The following KDM4C variants were observed in gnomAD, a reference collection of about 807,000 sequenced individuals.
The protein encoded by KDM4C is lysine-specific demethylase 4C.
KDM4C carries 81 observed loss-of-function variants against 129.3 expected under a neutral mutation model. The ratio of observed to expected loss-of-function variants is 0.63; its 90% confidence interval spans 0.52 to 0.75. KDM4C has a LOEUF of 0.75. KDM4C is among the 30% of genes least tolerant of loss of function. The pLI is 0.00. For missense variants in KDM4C, 1,457 were observed against 1,304.0 expected (o/e 1.12, Z -1.81); for synonymous variants, 573 against 456.1 (o/e 1.26, Z -3.26).
chr9:6,798,270 T>A (rs533461736), intron 2 of KDM4C, among the ~76,000 whole-genome samples: 3,837 of 128,444 alleles, frequency 0.03, 164 homozygotes, highest in African/African-American at 0.1. Flanking sequence ...TTTTTTTTTT[T>A]ATTGATCATT....
intron 8 of KDM4C, among the ~76,000 whole-genome samples, chr9:6,915,321 G>A (rs1274499846): frequency 1.3e-5 from 2 of 152,088 alleles, no homozygotes; most frequent in African/African-American, 4.8e-5. Flanking sequence ...TCCTGTGAGG[G>A]GTTTAGGGGG....
At chr9:6,925,445 T>C in intron 8 of KDM4C, 1 of 824,810 alleles carries the variant, frequency 1.2e-6, no homozygotes, top group Non-Finnish European at 1.4e-6. Context: ...CTTTTCCTCT[T>C]CCCCCTTCCC....
chr9:6,781,356 C>G (rs567683003), intron 1 of KDM4C, among the ~76,000 whole-genome samples: 76 of 151,944 alleles, frequency 5.0e-4, no homozygotes, highest in Admixed American at 4.5e-3. Context: ...TTTTCATCAA[C>G]TGATCAATAC....
intron 4 of KDM4C, among the ~76,000 whole-genome samples, chr9:6,845,340 A>T (rs1182561430): frequency 6.6e-6 from 1 of 152,086 alleles, no homozygotes; most frequent in Non-Finnish European, 1.5e-5. Context: ...TCAGCCTTCC[A>T]TGTAGCAGGG....
At chr9:6,778,519 C>G (rs562849461) in intron 1 of KDM4C, among the ~76,000 whole-genome samples, 38 of 151,422 alleles carry the variant, frequency 2.5e-4, no homozygotes, top group African/African-American at 6.8e-4. Flanking sequence ...GTAATCCCAG[C>G]ACTTTGGGAG....
chr9:6,796,860 G>A (rs1265904277), intron 2 of KDM4C, among the ~76,000 whole-genome samples: 1 of 152,156 alleles, frequency 6.6e-6, no homozygotes, highest in Non-Finnish European at 1.5e-5. Flanking sequence ...AGTTGCAGTA[G>A]TAGCATATGT....
At position 6,888,007 on chromosome 9, in the gene KDM4C, A is replaced by G. The variant is rs1463907066; in HGVS notation, c.727A>G (p.Lys243Glu). ...SQGCDAFLRHKMTLISPSVLK... is the reference protein window; with the variant it reads ...SQGCDAFLRHEMTLISPSVLK... ...AGGGTGTGATGCATTTCTTCGCCAC[A>G]AGATGACATTGATTTCTCCATCAGT... Residue 243 changes from lysine to glutamate, a missense_variant, in exon 7 of 22, where the codon AAG becomes GAG. Transcript: ENST00000381309. The G allele has an allele frequency of 1.2e-6, 2 of 1,612,274 alleles. No individual in the cohort carries two copies. Among genetic ancestry groups the G allele is most frequent in the Admixed American group, 1.7e-5 (1 of 59,872 alleles).
At chr9:7,134,516 C>T (rs1020409290) in intron 19 of KDM4C, among the ~76,000 whole-genome samples, 1 of 152,172 alleles carries the variant, frequency 6.6e-6, no homozygotes, top group Non-Finnish European at 1.5e-5. Flanking sequence ...ATACATTTCT[C>T]ACAAATGTCA....
At chr9:7,117,921 C>T (rs369188928) in intron 18 of KDM4C, among the ~76,000 whole-genome samples, 182 of 152,280 alleles carry the variant, frequency 1.2e-3, no homozygotes, top group African/African-American at 4.1e-3. Flanking sequence ...GAACTCTCAT[C>T]TCTGTTCTTT....
At chr9:6,792,903 A>G (rs577045889) in intron 1 of KDM4C, 69 bp from the exon 2 acceptor site, 13 of 1,477,788 alleles carry the variant, frequency 8.8e-6, no homozygotes, top group Admixed American at 1.8e-5. Context: ...GAGCTGACAT[A>G]CTATTTGTTA....
intron 5 of KDM4C, among the ~76,000 whole-genome samples, chr9:6,870,041 G>C (rs550723988): frequency 6.6e-6 from 1 of 152,238 alleles, no homozygotes; most frequent in South Asian, 2.1e-4. Flanking sequence ...TTGACAATTG[G>C]TTATGAGTAT....
intron 8 of KDM4C, among the ~76,000 whole-genome samples, chr9:6,967,108 C>G (rs1831119697): frequency 6.6e-6 from 1 of 151,954 alleles, no homozygotes; most frequent in Non-Finnish European, 1.5e-5. Flanking sequence ...AAAGCATCTC[C>G]CTGAAAAATG....
At chr9:7,040,639 T>A (rs1578326) in intron 15 of KDM4C, among the ~76,000 whole-genome samples, 15,234 of 151,800 alleles carry the variant, frequency 0.1, 1,008 homozygotes, top group East Asian at 0.18. Flanking sequence ...CCTTTTTTTT[T>A]AAAAGGTTGT....
Position 6,943,660 on chromosome 9 carries a change from G to T in KDM4C, c.922-37265G>T, listed in dbSNP as rs114068885. On this transcript the variant is annotated intron_variant, in intron 8 of 21. Transcript: ENST00000381309. ...ACTGCACTCCAGTCTGGGCGACATAGGGAAATCTTGTCTCAAAAAAAAAAA... is the reference window on the plus strand; with the variant it reads ...ACTGCACTCCAGTCTGGGCGACATATGGAAATCTTGTCTCAAAAAAAAAAA... Among the ~76,000 whole-genome samples the T allele has an allele frequency of 1.9e-3, 281 of 146,558 alleles. 3 individuals carry two copies. The highest frequency in any genetic ancestry group is 6.8e-3 in the African/African-American group (265 of 39,100).
At chr9:7,105,650 C>A in intron 18 of KDM4C, 1 of 348,850 alleles carries the variant, frequency 2.9e-6, no homozygotes, top group Non-Finnish European at 5.8e-6. Flanking sequence ...AATTCCAAAC[C>A]CCAAACCTCA....
At chr9:6,870,037 A>G (rs995261579) in intron 5 of KDM4C, among the ~76,000 whole-genome samples, 2 of 152,220 alleles carry the variant, frequency 1.3e-5, no homozygotes, top group African/African-American at 4.8e-5. Context: ...CTTTTTGACA[A>G]TTGGTTATGA....
chr9:6,936,328 A>C (rs1824780215), intron 8 of KDM4C, among the ~76,000 whole-genome samples: 2 of 152,218 alleles, frequency 1.3e-5, no homozygotes, highest in Admixed American at 1.3e-4. Context: ...ATATATGCTA[A>C]AATCATGGAG....
chr9:6,732,182 C>T (rs546611666), intron 1 of KDM4C, among the ~76,000 whole-genome samples: 10 of 150,668 alleles, frequency 6.6e-5, no homozygotes, highest in African/African-American at 1.9e-4. Flanking sequence ...CTGGCTAACA[C>T]AGTGAAACCC....
intron 17 of KDM4C, among the ~76,000 whole-genome samples, chr9:7,051,189 G>C (rs1348204987): frequency 6.6e-6 from 1 of 152,170 alleles, no homozygotes; most frequent in Admixed American, 6.6e-5. Flanking sequence ...CAAAATGCTT[G>C]TAGTAGTTAT....
Sources: gnomAD v4.1 joint callset for allele counts (sites outside exome capture counted in the v4.1 genomes callset) on GRCh38, gnomAD v4.1.1 for gene constraint, MANE v1.5 for transcripts, NCBI Gene and HGNC (gene_info 2026-07-23, HGNC 2026-07-21) for gene names.